DDX42: variants seen among roughly 807,000 people sequenced by gnomAD.
DDX42 encodes DEAD-box helicase 42, also known as ATP-dependent RNA helicase DDX42.
A neutral mutation model predicts 101.5 loss-of-function variants in DDX42; 22 were observed. The observed-to-expected ratio is 0.22, with a 90% CI of 0.15 to 0.31. DDX42 has a LOEUF of 0.31. Among genes scored for constraint, DDX42 ranks in the 10% least tolerant of loss-of-function variants. The pLI, the probability that DDX42 is intolerant of heterozygous loss-of-function variation, is 1.00. For missense variants in DDX42, 849 were observed against 1,199.9 expected (o/e 0.71, Z 4.32); for synonymous variants, 402 against 401.2 (o/e 1.00, Z -0.02).
intron 3 of DDX42, among the ~76,000 whole-genome samples, chr17:63,797,566 C>T (rs2039709091): frequency 6.6e-6 from 1 of 152,162 alleles, no homozygotes; most frequent in Non-Finnish European, 1.5e-5. Flanking sequence ...GAAACCAGTA[C>T]TATCAGCTGT....
At chr17:63,817,107 A>G (rs1285109890) in intron 17 of DDX42, 141 bp downstream of exon 17, 2 of 645,872 alleles carry the variant, frequency 3.1e-6, no homozygotes, top group Non-Finnish European at 5.3e-6. Flanking sequence ...GATTTTGAAT[A>G]TAAACCTAAC....
At chr17:63,798,524 G>A (rs1567737351) in intron 4 of DDX42, among the ~76,000 whole-genome samples, 1 of 152,152 alleles carries the variant, frequency 6.6e-6, no homozygotes, top group African/African-American at 2.4e-5. Context: ...GAACAACACA[G>A]GTTTGAACTG....
intron 1 of DDX42, among the ~76,000 whole-genome samples, chr17:63,781,944 A>AGCTT (rs2039493160): frequency 6.6e-6 from 1 of 151,990 alleles, no homozygotes; most frequent in South Asian, 2.1e-4. Context: ...CGGGAGGCAG[A>AGCTT]GCTTGCAGTG....
At chr17:63,806,882 C>G (rs1173470318) in intron 8 of DDX42, among the ~76,000 whole-genome samples, 1 of 152,080 alleles carries the variant, frequency 6.6e-6, no homozygotes, top group East Asian at 1.9e-4. Flanking sequence ...TAGGCCTAAA[C>G]CTAACCAAAA....
intron 1 of DDX42, among the ~76,000 whole-genome samples, chr17:63,779,819 A>G (rs1355475137): frequency 6.6e-6 from 1 of 151,972 alleles, no homozygotes; most frequent in South Asian, 2.1e-4. Flanking sequence ...CCTGGCCTCA[A>G]GCCATCCTCC....
chr17:63,800,420 A>G lies in DDX42; in HGVS notation c.472-48A>G, dbSNP rs201998022. The G allele has an allele frequency of 1.0e-4, 161 of 1,585,696 alleles. No individual in the cohort carries two copies. In the African/African-American group the frequency reaches 1.9e-3, roughly 19 times the overall value. Reference sequence around the variant, plus strand: ...GTGCGCTAATTACAGGAGCAGAAACATTCTCAATTGTACTTGGGTGTGATT... The same window carrying G: ...GTGCGCTAATTACAGGAGCAGAAACGTTCTCAATTGTACTTGGGTGTGATT... On this transcript the variant is annotated intron_variant, in intron 5 of 17. Coordinates refer to ENST00000389924, the MANE Select transcript of DDX42 (RefSeq NM_203499.3).
chr17:63,791,572 A>G (rs2039627990), intron 2 of DDX42, among the ~76,000 whole-genome samples: 2 of 152,142 alleles, frequency 1.3e-5, no homozygotes, highest in South Asian at 2.1e-4. Flanking sequence ...CGGCCTCCCA[A>G]AGTGCTGGGA....
chr17:63,806,677 AAAAT>A lies in DDX42; in HGVS notation c.846+27_846+30del, dbSNP rs558377471. ...CAGGTAAGTAAAACATAATGAAAGA[AAAAT>A]AAAGTAGGGTAGTCTTTCATGACTA... On this transcript the variant is annotated intron_variant, in intron 8 of 17. Coordinates refer to ENST00000389924, the MANE Select transcript of DDX42 (RefSeq NM_203499.3). 1.6e-4 allele frequency: 260 copies of A among 1,593,622 alleles called. No individual in the cohort carries two copies. In the African/African-American group the frequency reaches 2.9e-3, roughly 18 times the overall value.
chr17:63,810,290 T>G (rs1005846707), intron 11 of DDX42: 5 of 225,442 alleles, frequency 2.2e-5, no homozygotes, highest in East Asian at 9.3e-5. Flanking sequence ...TTAGTAGAGA[T>G]AGCTGTGTTG....
chr17:63,817,522 T>A, intron 17 of DDX42, 172 bp from the exon 18 acceptor site: 1 of 625,054 alleles, frequency 1.6e-6, no homozygotes, highest in East Asian at 2.8e-5. Context: ...TCCACAAGTT[T>A]TCCTTTATAG....
In DDX42 at chr17:63,774,220, G is replaced by C. The variant is rs1009290555; in HGVS notation, c.-173G>C. ...GCCGTGAGGCGGTGGCGGTGGTGGC[G>C]GTGGCGGCGGCGGTGGTGGTGGTGG... On this transcript the variant is annotated 5_prime_UTR_variant, in exon 1 of 18. Coordinates refer to ENST00000389924, the MANE Select transcript of DDX42 (RefSeq NM_203499.3). 5.5e-4 allele frequency: 135 copies of C among 244,334 alleles called. No homozygotes were observed. The highest frequency in any genetic ancestry group is 7.2e-4 in the Non-Finnish European group (107 of 149,368). 15.1% of individuals were successfully genotyped at this position (244,334 alleles called of 1,614,324 possible). A position where few individuals can be genotyped will look rare whatever the true frequency, so the allele number is the denominator to read the frequency against.
At chr17:63,789,641 T>C (rs1240607637) in intron 2 of DDX42, among the ~76,000 whole-genome samples, 1 of 141,046 alleles carries the variant, frequency 7.1e-6, no homozygotes, top group African/African-American at 2.7e-5. Flanking sequence ...TGGCGTGATC[T>C]AGGCTCACAG....
chr17:63,787,266 A>G lies in DDX42; in HGVS notation c.217A>G (p.Asn73Asp). Residue 73 changes from asparagine (N) to aspartate (D), a missense_variant, in exon 2 of 18, where the codon AAT becomes GAT. Asn to Asp is a conservative substitution (Grantham distance 23). Around this residue, in one of 5 missense-constraint regions of DDX42, gnomAD observed 92 missense variants for 106.7 expected, o/e 0.86. Transcript: ENST00000389924. ...GSKRANFDEE[N>D]AYFEDEEEDS... is the part of the protein sequence containing the mutation. The stretch of plus-strand genomic sequence containing the variant: ...TAAGCGGGCCAACTTTGATGAAGAA[A>G]ATGCGTAAGTGGTAATTCCTGGTAG... 1 of 1,614,160 alleles carries G rather than the reference A, an allele frequency of 6.2e-7. No individual in the cohort carries two copies.
chr17:63,802,262 A>G lies in DDX42; in HGVS notation c.621+1645A>G, dbSNP rs79029534. Among the ~76,000 whole-genome samples the G allele has an allele frequency of 6.6e-3, 998 of 152,332 alleles. 10 individuals are homozygous for G. The highest frequency in any genetic ancestry group is 0.023 in the African/African-American group (947 of 41,578). On this transcript the variant is annotated intron_variant, in intron 6 of 17. Coordinates refer to ENST00000389924, the MANE Select transcript of DDX42 (RefSeq NM_203499.3). ...ATTAAAGTCGTGACCCTTGAGCTAC[A>G]TGTCTTTTTATTCTGTGTGATAAAA...
chr17:63,775,587 A>G (rs2144513330), intron 1 of DDX42, among the ~76,000 whole-genome samples: 1 of 152,330 alleles, frequency 6.6e-6, no homozygotes, highest in South Asian at 2.1e-4. Flanking sequence ...GCCTACGTTT[A>G]TCTGGGGAAA....
At chr17:63,796,202 T>C (rs944143462) in intron 3 of DDX42, among the ~76,000 whole-genome samples, 1 of 152,216 alleles carries the variant, frequency 6.6e-6, no homozygotes, top group African/African-American at 2.4e-5. Context: ...AAAGAAAAAT[T>C]AGCTCTGATT....
In DDX42 at chr17:63,792,497, C is replaced by T. The variant is rs751567351; in HGVS notation, c.307C>T (p.His103Tyr). The change falls in exon 3 of 18, where the codon CAT (histidine) becomes TAT (tyrosine). Residue 103 changes from histidine to tyrosine, a missense_variant. His to Tyr is a moderately conservative substitution (Grantham distance 83). This residue lies in a region of DDX42 where 370 missense variants were observed against 608.8 expected (regional missense o/e 0.61). Transcript: ENST00000389924. ...AAACTCACCAACTCGCCAGCAATTC[C>T]ATTCCAAGCCAGTAGATTCTGACAG... ...AENSPTRQQF[H>Y]SKPVDSDSDD... 4 of 1,613,936 alleles carry T rather than the reference C, an allele frequency of 2.5e-6. No individual in the cohort carries two copies. Among genetic ancestry groups the T allele is most frequent in the Non-Finnish European group, 3.4e-6 (4 of 1,179,914 alleles).
At chr17:63,800,737 T>C in intron 6 of DDX42, 120 bp downstream of exon 6, 1 of 1,290,550 alleles carries the variant, frequency 7.7e-7, no homozygotes, top group Non-Finnish European at 1.1e-6. Flanking sequence ...CATCTTGTCA[T>C]CTCTACTAAG....
At chr17:63,775,635 C>T (rs1002874358) in intron 1 of DDX42, among the ~76,000 whole-genome samples, 5 of 152,034 alleles carry the variant, frequency 3.3e-5, no homozygotes, top group African/African-American at 1.2e-4. Flanking sequence ...ACATAAAAGC[C>T]TTGAGGAGGA....
Sources: gnomAD v4.1 joint callset for allele counts (sites outside exome capture counted in the v4.1 genomes callset) on GRCh38, gnomAD v4.1.1 for gene constraint, gnomAD v4.1.1 regional missense constraint, MANE v1.5 for transcripts, NCBI Gene and HGNC (gene_info 2026-07-23, HGNC 2026-07-21) for gene names.